CEACAM6: variants seen among roughly 807,000 people sequenced by gnomAD.
CEACAM6 encodes the protein CEA cell adhesion molecule 6, also known as cell adhesion molecule CEACAM6.
CEACAM6 carries 21 observed loss-of-function variants against 32.4 expected under a neutral mutation model. The ratio of observed to expected loss-of-function variants is 0.65; its 90% CI spans 0.46 to 0.93. The LOEUF (loss-of-function observed/expected upper bound fraction) is 0.93. Ranked by LOEUF, CEACAM6 falls within the 40% of genes least tolerant of loss-of-function variation. CEACAM6 has a pLI of 0.00. For synonymous variants in CEACAM6, 184 were observed against 174.4 expected, an observed-to-expected ratio of 1.06 and a Z score of -0.43; for missense variants, 406 against 432.2, an observed-to-expected ratio of 0.94 and a Z score of 0.54.
At chr19:41,768,038 A>G (rs1260667717) in intron 5 of CEACAM6, among the ~76,000 whole-genome samples, 1 of 152,136 alleles carries the variant, frequency 6.6e-6, no homozygotes, top group Non-Finnish European at 1.5e-5. Flanking sequence ...CACAGAAGTA[A>G]CTAAATGTCT....
chr19:41,760,769 T>G (rs1022263763), intron 2 of CEACAM6, among the ~76,000 whole-genome samples: 1 of 152,206 alleles, frequency 6.6e-6, no homozygotes, highest in Non-Finnish European at 1.5e-5. Flanking sequence ...CTGCACAGTA[T>G]CCTTGGGGTT....
intron 1 of CEACAM6, 68 bp downstream of exon 1, chr19:41,755,770 G>A: frequency 7.2e-7 from 1 of 1,385,942 alleles, no homozygotes; most frequent in African/African-American, 1.5e-5. Context: ...GTCTCCTGGG[G>A]AGGACAAGGC....
intron 4 of CEACAM6, among the ~76,000 whole-genome samples, chr19:41,764,031 T>C (rs1455314720): frequency 6.6e-6 from 1 of 152,222 alleles, no homozygotes; most frequent in African/African-American, 2.4e-5. Context: ...CTTTCAGTCT[T>C]TCTCCATTGA....
At chr19:41,761,844 CG>C (rs1443507675) in intron 3 of CEACAM6, 124 bp from the exon 4 acceptor site, 4 of 1,249,296 alleles carry the variant, frequency 3.2e-6, no homozygotes, top group Admixed American at 4.3e-5. Context: ...GGGGACATAG[CG>C]GGGGTTTGGT....
chr19:41,759,957 G>C (rs1178747290), intron 2 of CEACAM6, among the ~76,000 whole-genome samples: 1 of 152,144 alleles, frequency 6.6e-6, no homozygotes, highest in Non-Finnish European at 1.5e-5. Context: ...TTTAGATTCT[G>C]GGTTTTCAAA....
At position 41,756,820 on chromosome 19, in the gene CEACAM6, C is replaced by G. The variant is rs2072890241; in HGVS notation, c.285C>G (p.Tyr95Ter). 6.2e-6 allele frequency: 10 copies of G among 1,614,176 alleles called. No individual in the cohort carries two copies. The highest frequency in any genetic ancestry group is 4.4e-5 in the South Asian group (4 of 91,086). ...AACAAGCTACCCCAGGGCCCGCATA[C>G]AGTGGTCGAGAGACAATATACCCCA... is the stretch of plus-strand genomic sequence containing the variant. Reference protein sequence around the residue: ...GTQQATPGPAYSGRETIYPNA... With the variant: ...GTQQATPGPA Residue 95 changes from tyrosine (Y) to a stop codon, truncating the protein, a stop_gained, in exon 2 of 6, where the codon TAC (tyrosine) becomes TAG (stop). Transcript: ENST00000199764. LOFTEE classifies it high-confidence loss of function.
At chr19:41,757,166 G>A (rs1555821255) in intron 2 of CEACAM6, among the ~76,000 whole-genome samples, 1 of 152,140 alleles carries the variant, frequency 6.6e-6, no homozygotes, top group African/African-American at 2.4e-5. Context: ...GACACTCGCT[G>A]CAGAGGAAGG....
chr19:41,771,950 AAAAG>A lies in CEACAM6; in HGVS notation c.*1192_*1195del, dbSNP rs2072997081. On this transcript the variant is annotated 3_prime_UTR_variant, in exon 6 of 6. Coordinates refer to ENST00000199764, the MANE Select transcript of CEACAM6 (RefSeq NM_002483.7). ...AAAAATTAAAACCAATTTAAAAAAA[AAAAG>A]AACACAGGAGATTCCAGTCTACTTG... 6.6e-6 allele frequency: 1 copy of A among 152,224 alleles called. No individual in the cohort carries two copies. Among genetic ancestry groups the A allele is most frequent in the African/African-American group, 2.4e-5 (1 of 41,460 alleles). 9.4% of individuals were successfully genotyped at this position (152,224 alleles called of 1,614,324 possible). A position where few individuals can be genotyped will look rare whatever the true frequency, so the allele number is the denominator to read the frequency against.
intron 4 of CEACAM6, 21 bp downstream of exon 4, chr19:41,762,244 CT>C: frequency 2.5e-6 from 4 of 1,604,552 alleles, no homozygotes; most frequent in Non-Finnish European, 3.4e-6. Flanking sequence ...CCATGAAGCA[CT>C]AGCATCACAT....
chr19:41,765,914 C>G (rs2072952850), intron 4 of CEACAM6, among the ~76,000 whole-genome samples: 1 of 152,200 alleles, frequency 6.6e-6, no homozygotes, highest in Admixed American at 6.5e-5. Flanking sequence ...ATAGAAAGTT[C>G]TAATGACATG....
At chr19:41,764,850 A>T in intron 4 of CEACAM6, among the ~76,000 whole-genome samples, 1 of 152,004 alleles carries the variant, frequency 6.6e-6, no homozygotes, top group Admixed American at 6.5e-5. Context: ...TCTCTCTTTA[A>T]TGTAAGTATT....
intron 1 of CEACAM6, among the ~76,000 whole-genome samples, 160 bp from the exon 2 acceptor site, chr19:41,756,440 T>A (rs1440492480): frequency 7.0e-5 from 10 of 143,526 alleles, no homozygotes; most frequent in African/African-American, 2.3e-4. Flanking sequence ...CACTGCTGAC[T>A]TTGACTCAGT....
At chr19:41,759,051 G>A (rs1555821513) in intron 2 of CEACAM6, among the ~76,000 whole-genome samples, 1 of 152,222 alleles carries the variant, frequency 6.6e-6, no homozygotes, top group Non-Finnish European at 1.5e-5. Context: ...CAGGATGACA[G>A]GTCTGCTTTC....
chr19:41,769,569 AT>A (rs1213983027), intron 5 of CEACAM6, among the ~76,000 whole-genome samples: 4 of 151,860 alleles, frequency 2.6e-5, no homozygotes, highest in Non-Finnish European at 5.9e-5. Flanking sequence ...TTCAGGAAAC[AT>A]TTTTTCTTTT....
At chr19:41,767,296 G>A (rs2072962495) in intron 5 of CEACAM6, among the ~76,000 whole-genome samples, 3 of 152,132 alleles carry the variant, frequency 2.0e-5, no homozygotes, top group African/African-American at 7.2e-5. Flanking sequence ...ATTTCATGGA[G>A]AACACAGACT....
At chr19:41,760,526 C>A (rs782493915) in intron 2 of CEACAM6, among the ~76,000 whole-genome samples, 1 of 152,212 alleles carries the variant, frequency 6.6e-6, no homozygotes, top group Admixed American at 6.5e-5. Context: ...AAAAGGAACA[C>A]GGTTCTGCTG....
chr19:41,765,199 T>C (rs1165911474), intron 4 of CEACAM6, among the ~76,000 whole-genome samples: 7 of 152,242 alleles, frequency 4.6e-5, no homozygotes, highest in Non-Finnish European at 1.0e-4. Context: ...CCTAAGCCTC[T>C]GTCTTTTCAT....
At chr19:41,759,273 C>T (rs373791559) in intron 2 of CEACAM6, among the ~76,000 whole-genome samples, 18 of 152,166 alleles carry the variant, frequency 1.2e-4, no homozygotes, top group African/African-American at 4.3e-4. Flanking sequence ...GAGAAGTGCA[C>T]CAGCCACTGG....
At position 41,756,774 on chromosome 19, in the gene CEACAM6, T is replaced by C. The variant is rs2122903693; in HGVS notation, c.239T>C (p.Val80Ala). Residue 80 changes from valine to alanine, a missense_variant, in exon 2 of 6, where the codon GTA (valine) becomes GCA (alanine). Coordinates refer to ENST00000199764, the MANE Select transcript of CEACAM6 (RefSeq NM_002483.7). ...GERVDGNSLI[V>A]GYVIGTQQAT... is the part of the protein sequence containing the mutation. The stretch of plus-strand genomic sequence containing the variant: ...AGAGTGGATGGCAACAGTCTAATTG[T>C]AGGATATGTAATAGGAACTCAACAA... The C allele has an allele frequency of 6.2e-7, 1 of 1,613,986 alleles. No individual in the cohort carries two copies. The highest frequency in any genetic ancestry group is 1.3e-5 in the African/African-American group (1 of 74,952).
Sources: allele counts gnomAD v4.1 joint callset (sites outside exome capture counted in the v4.1 genomes callset), GRCh38; gene constraint gnomAD v4.1.1; transcripts MANE v1.5; gene names NCBI Gene and HGNC (gene_info 2026-07-23, HGNC 2026-07-21).